SCYL3: variants seen among roughly 807,000 people sequenced by gnomAD.
The protein encoded by SCYL3 is SCY1 like pseudokinase 3, also known as protein-associating with the carboxyl-terminal domain of ezrin.
SCYL3 carries 35 observed loss-of-function variants against 73.8 expected under a neutral mutation model. That is an observed-to-expected ratio of 0.47 (90% CI 0.36 to 0.63). The LOEUF is 0.63. SCYL3 is among the 20% of genes least tolerant of loss of function. SCYL3 has a pLI of 0.00. For missense variants in SCYL3, 712 were observed against 798.9 expected, an observed-to-expected ratio of 0.89 and a Z score of 1.31; for synonymous variants, 277 against 295.2, an observed-to-expected ratio of 0.94 and a Z score of 0.63.
At chr1:169,872,923 T>C (rs538022967) in intron 5 of SCYL3, among the ~76,000 whole-genome samples, 2 of 152,160 alleles carry the variant, frequency 1.3e-5, no homozygotes, top group Non-Finnish European at 2.9e-5. Context: ...TACAGGCTCA[T>C]AGGTGGAAGG....
Position 169,853,033 on chromosome 1 carries a change from A to T in SCYL3, c.*680T>A. On this transcript the variant is annotated 3_prime_UTR_variant, in exon 13 of 13. Transcript: ENST00000367771. ...TGGGTTTGATGCTTTGTCAACTGAAAATACTTATGTCTGTACATTTTCTAA... is the reference window on the plus strand; with the variant it reads ...TGGGTTTGATGCTTTGTCAACTGAATATACTTATGTCTGTACATTTTCTAA... The T allele has an allele frequency of 6.4e-7, 1 of 1,574,658 alleles. No individual in the cohort carries two copies. The highest frequency in any genetic ancestry group is 8.7e-7 in the Non-Finnish European group (1 of 1,145,034).
intron 1 of SCYL3, among the ~76,000 whole-genome samples, chr1:169,893,444 G>T (rs998991): frequency 1.3e-5 from 2 of 152,014 alleles, no homozygotes; most frequent in Non-Finnish European, 2.9e-5. Context: ...CTGAAGGGCC[G>T]AGGCGCCGCT....
At chr1:169,879,804 A>G (rs1661116215) in intron 2 of SCYL3, among the ~76,000 whole-genome samples, 1 of 152,220 alleles carries the variant, frequency 6.6e-6, no homozygotes, top group African/African-American at 2.4e-5. Flanking sequence ...TCCTAGAGAT[A>G]AAGGAAAAGT....
chr1:169,860,895 T>G (rs1659588567), intron 10 of SCYL3, among the ~76,000 whole-genome samples: 1 of 152,194 alleles, frequency 6.6e-6, no homozygotes, highest in Non-Finnish European at 1.5e-5. Flanking sequence ...GCTACCAAAG[T>G]GAACTTTCTA....
At chr1:169,878,981 C>A (rs1299491138) in intron 2 of SCYL3, among the ~76,000 whole-genome samples, 162 bp from the exon 3 acceptor site, 2 of 152,210 alleles carry the variant, frequency 1.3e-5, no homozygotes, top group African/African-American at 4.8e-5. Flanking sequence ...AGGCAAAGAT[C>A]TATTACTTGT....
At chr1:169,871,932 G>GCATT (rs1208829934) in intron 5 of SCYL3, among the ~76,000 whole-genome samples, 30 of 152,202 alleles carry the variant, frequency 2.0e-4, no homozygotes, top group Admixed American at 1.3e-4. Context: ...GCTGTTAAAG[G>GCATT]CATTCAGTTT....
Position 169,850,400 on chromosome 1 carries a change from A to G in SCYL3, c.*3313T>C. On this transcript the variant is annotated 3_prime_UTR_variant, in exon 13 of 13. Transcript: ENST00000367771. ...TCTTTGTCCTATTTTTTTTTTTCCG[A>G]AATTATGTAACTGTAACCAACCTGA... The G allele has an allele frequency of 7.0e-6, 9 of 1,277,462 alleles. No homozygotes were observed. Among genetic ancestry groups the G allele is most frequent in the Non-Finnish European group, 1.0e-5 (9 of 895,980 alleles). The allele number at this position is 1,277,462 out of a possible 1,614,324, so 79.1% of individuals were successfully genotyped here. A position where few individuals can be genotyped will look rare whatever the true frequency, so the allele number is the denominator to read the frequency against.
intron 2 of SCYL3, among the ~76,000 whole-genome samples, chr1:169,886,022 T>G (rs1045339056): frequency 2.6e-5 from 4 of 151,950 alleles, no homozygotes; most frequent in Non-Finnish European, 5.9e-5. Flanking sequence ...TCTTAAAAAG[T>G]CAACCATGGG....
rs530712374 is a variant in SCYL3, at chr1:169,882,178, G to A, written c.166-3359C>T. ...GGGCCAGCTGGAGTTCTGGGTGGGC[G>A]TGGGCTTGGCAGGCCCCCCACTTGG... On this transcript the variant is annotated intron_variant, in intron 2 of 12. Transcript: ENST00000367771. Among the ~76,000 whole-genome samples, 3 of 152,330 alleles carry A rather than the reference G, an allele frequency of 2.0e-5. No individual in the cohort carries two copies. The South Asian group carries it at 6.2e-4, about 32-fold the overall frequency.
At chr1:169,856,890 T>C (rs1360200672) in intron 11 of SCYL3, among the ~76,000 whole-genome samples, 2 of 152,198 alleles carry the variant, frequency 1.3e-5, no homozygotes, top group Non-Finnish European at 2.9e-5. Context: ...AAAATTCTTT[T>C]AGCATCAAAA....
At chr1:169,894,157 C>T (rs1464096992), upstream of SCYL3, 1 of 152,248 alleles carries the variant, frequency 6.6e-6, no homozygotes, top group Non-Finnish European at 1.5e-5. Context: ...TGGTCGAATG[C>T]TTAAGTTTGT....
chr1:169,858,852 A>G (rs773119080), intron 11 of SCYL3, among the ~76,000 whole-genome samples, 189 bp downstream of exon 11: 12 of 152,090 alleles, frequency 7.9e-5, no homozygotes, highest in Non-Finnish European at 1.8e-4. Context: ...GTCTTTTTGC[A>G]AGCTTAAAAA....
intron 5 of SCYL3, among the ~76,000 whole-genome samples, chr1:169,871,403 G>GACGT (rs574172818): frequency 1.1e-3 from 161 of 152,330 alleles, no homozygotes; most frequent in Admixed American, 2.7e-3. Context: ...CACCAGGTGA[G>GACGT]ACGTGCCTTT....
chr1:169,884,965 TAAAGAA>T (rs1661573149), intron 2 of SCYL3, among the ~76,000 whole-genome samples: 1 of 152,248 alleles, frequency 6.6e-6, no homozygotes, highest in African/African-American at 2.4e-5. Context: ...TCTGCTGCTC[TAAAGAA>T]TAGCAACAAG....
Position 169,864,423 on chromosome 1 carries a change from C to T in SCYL3, c.901G>A (p.Ala301Thr), listed in dbSNP as rs1558124734. The T allele has an allele frequency of 6.2e-7, 1 of 1,614,162 alleles. No individual in the cohort carries two copies. The highest frequency in any genetic ancestry group is 8.5e-7 in the Non-Finnish European group (1 of 1,179,998). ...VPLLLNQLVF[A>T]EPVAVKSFLP... The stretch of plus-strand genomic sequence containing the variant: ...AAACTCTTAACAGCCACTGGCTCTG[C>T]AAACACCAACTGATTAAGCAGAAGA... The change falls in exon 9 of 13, where the codon GCA (alanine) becomes ACA (threonine). Residue 301 changes from alanine to threonine, a missense_variant. By Grantham distance (58) the Ala-to-Thr change is moderately conservative. This residue lies in a region of SCYL3 where 342 missense variants were observed against 448.1 expected (regional missense o/e 0.76). Transcript: ENST00000367771.
intron 6 of SCYL3, among the ~76,000 whole-genome samples, chr1:169,870,018 A>G (rs1164054833): frequency 6.6e-6 from 1 of 152,194 alleles, no homozygotes; most frequent in Non-Finnish European, 1.5e-5. Flanking sequence ...ATCACACATG[A>G]TACTGACAGC....
intron 1 of SCYL3, among the ~76,000 whole-genome samples, chr1:169,889,514 C>T (rs914802009): frequency 1.5e-4 from 23 of 152,120 alleles, no homozygotes; most frequent in Admixed American, 5.2e-4. Flanking sequence ...AGAAAAAGTA[C>T]GATCGCACTA....
rs555870657 is a variant in SCYL3, at chr1:169,883,126, C to T, written c.166-4307G>A. 3.3e-5 allele frequency among the ~76,000 whole-genome samples: 5 copies of T among 152,024 alleles called. No homozygotes were observed. In the South Asian group the frequency reaches 6.3e-4, roughly 19 times the overall value. On this transcript the variant is annotated intron_variant, in intron 2 of 12. Transcript: ENST00000367771. ...GAACCCCACCAGAAGGAAGAAACTC[C>T]GAACATGAGAAGGAACAAACTCCAG...
At chr1:169,879,226 T>G (rs6427226) in intron 2 of SCYL3, among the ~76,000 whole-genome samples, 96,988 of 152,086 alleles carry the variant, frequency 0.64, 31,353 homozygotes, top group Middle Eastern at 0.78. Flanking sequence ...TTGGGGAAAT[T>G]TTCCCCTTCT....
Sources: gnomAD v4.1 joint callset for allele counts (sites outside exome capture counted in the v4.1 genomes callset) on GRCh38, gnomAD v4.1.1 for gene constraint, gnomAD v4.1.1 regional missense constraint, MANE v1.5 for transcripts, NCBI Gene and HGNC (gene_info 2026-07-23, HGNC 2026-07-21) for gene names.